SYK: variants seen among roughly 807,000 people sequenced by gnomAD.
SYK encodes the protein spleen associated tyrosine kinase.
In SYK, 16 loss-of-function variants were observed where a neutral mutation model predicts 77.8. The observed-to-expected ratio is 0.21, with a 90% CI of 0.14 to 0.31. The LOEUF (loss-of-function observed/expected upper bound fraction) is 0.31, where lower values mean the gene tolerates loss of function less well. Among genes scored for constraint, SYK ranks in the 10% least tolerant of loss-of-function variants. The pLI, the probability that SYK is intolerant of heterozygous loss-of-function variation, is 1.00. For missense variants in SYK, 529 were observed against 814.4 expected, an observed-to-expected ratio of 0.65 and a Z score of 4.26; for synonymous variants, 312 against 308.7, an observed-to-expected ratio of 1.01 and a Z score of -0.11.
intron 3 of SYK, among the ~76,000 whole-genome samples, chr9:90,857,571 G>A (rs1414537984): frequency 6.6e-6 from 1 of 152,256 alleles, no homozygotes; most frequent in Non-Finnish European, 1.5e-5. Context: ...GAATGCACAT[G>A]TGCCTCAGTA....
Position 90,897,367 on chromosome 9 carries a change from A to G in SYK, c.*1767A>G. The G allele has an allele frequency of 4.3e-6, 1 of 231,626 alleles. No homozygotes were observed. The highest frequency in any genetic ancestry group is 8.5e-6 in the Non-Finnish European group (1 of 116,962). The allele number at this position is 231,626 out of a possible 1,614,324, so 14.3% of individuals were successfully genotyped here. A position where few individuals can be genotyped will look rare whatever the true frequency, so the allele number is the denominator to read the frequency against. On this transcript the variant is annotated 3_prime_UTR_variant, in exon 14 of 14. Coordinates refer to ENST00000375754, the MANE Select transcript of SYK (RefSeq NM_003177.7). Reference sequence around the variant, plus strand: ...AGTGCTGAGCAGATTCTCAAAACACATTTAGAATCCCTGAAATTAGAAAGA... The same window carrying G: ...AGTGCTGAGCAGATTCTCAAAACACGTTTAGAATCCCTGAAATTAGAAAGA...
At chr9:90,821,918 T>C (rs1185188906) in intron 1 of SYK, among the ~76,000 whole-genome samples, 1 of 151,970 alleles carries the variant, frequency 6.6e-6, no homozygotes, top group Non-Finnish European at 1.5e-5. Flanking sequence ...GAGTCATAGT[T>C]AGTGCTGTCG....
rs1827302190 is a variant in SYK, at chr9:90,862,317, G to T, written c.690G>T (p.Glu230Asp). The change falls in exon 4 of 14, where the codon GAG (glutamate) becomes GAT (aspartate). Residue 230 changes from glutamate to aspartate, a missense_variant. This residue lies in a region of SYK where 321 missense variants were observed against 433.1 expected (regional missense o/e 0.74). Transcript: ENST00000375754. ...AGACAGGGAAGCTCTCCATCCCCGA[G>T]GGAAAGAAGTTCGACACGCTCTGGC... ...KDKTGKLSIP[E>D]GKKFDTLWQL... is the part of the protein sequence containing the mutation. The T allele has an allele frequency of 6.2e-7, 1 of 1,614,094 alleles. No homozygotes were observed. Among genetic ancestry groups the T allele is most frequent in the Non-Finnish European group, 8.5e-7 (1 of 1,179,950 alleles).
At chr9:90,837,002 G>A (rs1826109469) in intron 1 of SYK, among the ~76,000 whole-genome samples, 1 of 151,880 alleles carries the variant, frequency 6.6e-6, no homozygotes, top group Non-Finnish European at 1.5e-5. Flanking sequence ...TTCTTCTCTA[G>A]CTTACCTCAC....
At chr9:90,836,801 G>C (rs888460956) in intron 1 of SYK, among the ~76,000 whole-genome samples, 1 of 152,210 alleles carries the variant, frequency 6.6e-6, no homozygotes, top group African/African-American at 2.4e-5. Flanking sequence ...CTCCCAAGAA[G>C]TCATGACATT....
chr9:90,851,683 G>A (rs1342987137), intron 3 of SYK, among the ~76,000 whole-genome samples: 1 of 152,106 alleles, frequency 6.6e-6, no homozygotes, highest in Non-Finnish European at 1.5e-5. Flanking sequence ...TGCCCCCAGA[G>A]GCCTTGTATA....
chr9:90,855,951 A>G (rs1564098030), intron 3 of SYK, among the ~76,000 whole-genome samples: 2 of 152,206 alleles, frequency 1.3e-5, no homozygotes, highest in African/African-American at 4.8e-5. Flanking sequence ...TGAGATTTTC[A>G]TAGTTCATTG....
rs1829021326 is a variant in SYK at position 90,897,155 on chromosome 9, A to G, written c.*1555A>G. 1 of 231,002 alleles carries G rather than the reference A, an allele frequency of 4.3e-6. No homozygotes were observed. Among genetic ancestry groups the G allele is most frequent in the Admixed American group, 5.6e-5 (1 of 17,714 alleles). 14.3% of individuals were successfully genotyped at this position (231,002 alleles called of 1,614,324 possible). ...GACATTTTAAAGTGCATGGACAGCC[A>G]TGGACAGCAGGCCCTCCTCTAACAG... On this transcript the variant is annotated 3_prime_UTR_variant, in exon 14 of 14. Coordinates refer to ENST00000375754, the MANE Select transcript of SYK (RefSeq NM_003177.7).
At chr9:90,811,048 G>A (rs290241) in intron 1 of SYK, among the ~76,000 whole-genome samples, 100,785 of 151,926 alleles carry the variant, frequency 0.66, 33,688 homozygotes, top group East Asian at 0.83. Context: ...TTGAAATAAT[G>A]AAGCTATTAA....
intron 1 of SYK, among the ~76,000 whole-genome samples, chr9:90,831,834 AT>A (rs1825907060): frequency 6.6e-6 from 1 of 152,068 alleles, no homozygotes; most frequent in Non-Finnish European, 1.5e-5. Context: ...TGGTTTTTGC[AT>A]TTTTGTGCTT....
At chr9:90,853,257 G>T (rs992171542) in intron 3 of SYK, among the ~76,000 whole-genome samples, 1 of 148,772 alleles carries the variant, frequency 6.7e-6, no homozygotes, top group African/African-American at 2.5e-5. Context: ...GCTAACTATA[G>T]GAACTGGGAA....
intron 1 of SYK, among the ~76,000 whole-genome samples, chr9:90,814,980 T>C (rs1825238116): frequency 6.6e-6 from 1 of 152,152 alleles, no homozygotes; most frequent in Admixed American, 6.5e-5. Flanking sequence ...TCATGTATCC[T>C]TGGGGTAAGC....
intron 1 of SYK, among the ~76,000 whole-genome samples, chr9:90,813,933 G>C (rs1825193809): frequency 6.6e-6 from 1 of 152,150 alleles, no homozygotes; most frequent in African/African-American, 2.4e-5. Flanking sequence ...CACTCCCCCG[G>C]GGGGCATCTT....
At chr9:90,853,953 G>A (rs1826918633) in intron 3 of SYK, among the ~76,000 whole-genome samples, 2 of 152,210 alleles carry the variant, frequency 1.3e-5, no homozygotes. Flanking sequence ...GGGTATGGTG[G>A]CCAGGGCAGG....
chr9:90,898,373 G>C lies in SYK; in HGVS notation c.*2773G>C. On this transcript the variant is annotated 3_prime_UTR_variant, in exon 14 of 14. Transcript: ENST00000375754. ...TTGGACATCAGTCCAATGACTGCAA[G>C]TCGGCCTGGATTTTCACTTGCAGAG... 4.4e-6 allele frequency: 1 copy of C among 228,212 alleles called. No homozygotes were observed. The highest frequency in any genetic ancestry group is 8.7e-6 in the Non-Finnish European group (1 of 114,892). The allele number at this position is 228,212 out of a possible 1,614,324, so 14.1% of individuals were successfully genotyped here.
At chr9:90,840,100 G>A (rs1483952570) in intron 1 of SYK, among the ~76,000 whole-genome samples, 1 of 152,170 alleles carries the variant, frequency 6.6e-6, no homozygotes, top group African/African-American at 2.4e-5. Context: ...GGGCAGTAAG[G>A]AACATGCACC....
At chr9:90,844,417 C>T (rs1587852030) in intron 2 of SYK, 102 bp downstream of exon 2, 1 of 1,284,898 alleles carries the variant, frequency 7.8e-7, no homozygotes, top group South Asian at 1.6e-5. Flanking sequence ...CCCTGTGTGC[C>T]CAAATAACAC....
chr9:90,883,220 G>A (rs1209364242), intron 11 of SYK, among the ~76,000 whole-genome samples: 1 of 151,886 alleles, frequency 6.6e-6, no homozygotes, highest in Admixed American at 6.6e-5. Context: ...CTGCTGTGGG[G>A]CTGAGACACA....
chr9:90,817,878 T>TGA (rs1216898080), intron 1 of SYK, among the ~76,000 whole-genome samples: 48 of 39,482 alleles, frequency 1.2e-3, no homozygotes, highest in South Asian at 4.4e-3. Flanking sequence ...TGTGTGTGTG[T>TGA]GTGTGAGAGA....
Sources: allele counts gnomAD v4.1 joint callset (sites outside exome capture counted in the v4.1 genomes callset), GRCh38; gene constraint gnomAD v4.1.1; regional missense constraint gnomAD v4.1.1; transcripts MANE v1.5; gene names NCBI Gene and HGNC (gene_info 2026-07-23, HGNC 2026-07-21).